GBE1: variants seen among roughly 807,000 people sequenced by gnomAD.
The protein encoded by GBE1 is 1,4-alpha-glucan-branching enzyme.
Under a neutral mutation model 88.8 loss-of-function variants are expected in GBE1, and 70 were observed. The observed-to-expected ratio is 0.79, with a 90% CI of 0.65 to 0.96. The LOEUF is 0.96. Ranked by LOEUF, GBE1 falls within the 40% of genes least tolerant of loss-of-function variation. GBE1 has a pLI of 0.00. For synonymous variants in GBE1, 284 were observed against 300.1 expected (o/e 0.95, Z 0.56); for missense variants, 872 against 871.0 (o/e 1.00, Z -0.01).
At chr3:81,502,929 T>C (rs1232231312) in intron 14 of GBE1, among the ~76,000 whole-genome samples, 1 of 152,178 alleles carries the variant, frequency 6.6e-6, no homozygotes, top group Non-Finnish European at 1.5e-5. Flanking sequence ...ACAAAATAAA[T>C]TTAGCAGGAC....
rs188573933 is a variant in GBE1 at position 81,707,426 on chromosome 3, C to T, written c.144-1813G>A. Among the ~76,000 whole-genome samples the T allele has an allele frequency of 2.6e-3, 400 of 152,000 alleles. 2 individuals carry two copies. Among genetic ancestry groups the T allele is most frequent in the Non-Finnish European group, 3.5e-3 (240 of 67,878 alleles). ...ACCATTCTAGAAGAAAAATAAGCTACTTTCCATTTTTCTAAATGGCAATTA... is the reference window on the plus strand; with the variant it reads ...ACCATTCTAGAAGAAAAATAAGCTATTTTCCATTTTTCTAAATGGCAATTA... On this transcript the variant is annotated intron_variant, in intron 1 of 15. Coordinates refer to ENST00000429644, the MANE Select transcript of GBE1 (RefSeq NM_000158.4).
chr3:81,554,402 C>T (rs1197115915), intron 12 of GBE1, among the ~76,000 whole-genome samples: 1 of 152,056 alleles, frequency 6.6e-6, no homozygotes, highest in Non-Finnish European at 1.5e-5. Context: ...ATAAATTAGC[C>T]AACTATGAAA....
chr3:81,646,708 T>C (rs930022206), intron 5 of GBE1, among the ~76,000 whole-genome samples: 2 of 152,220 alleles, frequency 1.3e-5, no homozygotes, highest in Non-Finnish European at 1.5e-5. Context: ...ATAGCTTCAT[T>C]TTAACAAGCA....
intron 14 of GBE1, among the ~76,000 whole-genome samples, chr3:81,527,307 T>G (rs1273999859): frequency 6.6e-6 from 1 of 152,090 alleles, no homozygotes; most frequent in African/African-American, 2.4e-5. Flanking sequence ...GACATAGGCA[T>G]GGGAAAGGAC....
At chr3:81,547,009 G>A (rs546359229) in intron 12 of GBE1, among the ~76,000 whole-genome samples, 12 of 151,256 alleles carry the variant, frequency 7.9e-5, no homozygotes, top group Non-Finnish European at 1.8e-4. Flanking sequence ...AAGTGCTGGG[G>A]TCCAGTAACA....
intron 15 of GBE1, 54 bp from the exon 16 acceptor site, chr3:81,490,517 C>A: frequency 7.2e-7 from 1 of 1,390,444 alleles, no homozygotes; most frequent in South Asian, 1.2e-5. Context: ...AACGGCCTGT[C>A]ATTATGTCAA....
intron 6 of GBE1, 149 bp downstream of exon 6, chr3:81,646,243 A>G: frequency 1.6e-6 from 1 of 611,060 alleles, no homozygotes; most frequent in Non-Finnish European, 2.9e-6. Flanking sequence ...AAGAGAGTCT[A>G]TGACCTTAGT....
chr3:81,574,052 G>T lies in GBE1; in HGVS notation c.1618+3873C>A, dbSNP rs1267274047. The stretch of plus-strand genomic sequence containing the variant: ...GACATCATTATGACTAAAAAACTCA[G>T]AAGGTAAATTGGTGAGACTTAATGC... On this transcript the variant is annotated intron_variant, in intron 12 of 15. Coordinates refer to ENST00000429644, the MANE Select transcript of GBE1 (RefSeq NM_000158.4). 8.5e-5 allele frequency among the ~76,000 whole-genome samples: 13 copies of T among 152,238 alleles called. No homozygotes were observed. In the East Asian group the frequency reaches 2.5e-3, roughly 29 times the overall value.
chr3:81,751,112 C>T (rs976985087), intron 1 of GBE1, among the ~76,000 whole-genome samples: 21 of 149,504 alleles, frequency 1.4e-4, no homozygotes, highest in Admixed American at 6.7e-5. Context: ...GGCCCTCCGC[C>T]AAAAAAAAAG....
intron 3 of GBE1, among the ~76,000 whole-genome samples, chr3:81,663,968 G>A (rs368834311): frequency 1.3e-5 from 2 of 151,966 alleles, no homozygotes; most frequent in African/African-American, 2.4e-5. Context: ...GTGCACATTC[G>A]GAATCAGCTT....
chr3:81,607,834 A>C (rs1023369002), intron 7 of GBE1, among the ~76,000 whole-genome samples: 2 of 151,986 alleles, frequency 1.3e-5, no homozygotes, highest in Non-Finnish European at 2.9e-5. Flanking sequence ...CCAACACTTA[A>C]GTTTTATTTT....
In GBE1 at chr3:81,652,245, G is replaced by C. The variant is rs910139561; in HGVS notation, c.430-2324C>G. ...CCCCTATGGGGCTTGGAGGACAAGG[G>C]GAGCCAATGAAAATATGATACCTAC... On this transcript the variant is annotated intron_variant, in intron 3 of 15. Transcript: ENST00000429644. 2.0e-5 allele frequency among the ~76,000 whole-genome samples: 3 copies of C among 152,288 alleles called. No homozygotes were observed. The East Asian group carries it at 5.8e-4, about 29-fold the overall frequency.
intron 1 of GBE1, among the ~76,000 whole-genome samples, chr3:81,739,981 T>C (rs933331416): frequency 1.3e-5 from 2 of 151,970 alleles, no homozygotes; most frequent in African/African-American, 4.8e-5. Flanking sequence ...TCCCAGCAAT[T>C]TGGAAGGCCA....
chr3:81,535,451 T>G, intron 13 of GBE1, 126 bp from the exon 14 acceptor site: 1 of 897,888 alleles, frequency 1.1e-6, no homozygotes, highest in Non-Finnish European at 1.6e-6. Flanking sequence ...ACACTATATT[T>G]TTTTGAACAT....
intron 1 of GBE1, among the ~76,000 whole-genome samples, chr3:81,729,635 A>G (rs557675021): frequency 6.6e-6 from 1 of 152,238 alleles, no homozygotes; most frequent in South Asian, 2.1e-4. Flanking sequence ...TGCCCATATA[A>G]ATACCCATCA....
At chr3:81,610,324 T>A (rs188176490) in intron 7 of GBE1, among the ~76,000 whole-genome samples, 1 of 152,314 alleles carries the variant, frequency 6.6e-6, no homozygotes, top group East Asian at 1.9e-4. Flanking sequence ...TCTTTGGCAA[T>A]AGTTTTAAAA....
At chr3:81,751,184 C>A (rs759803018) in intron 1 of GBE1, among the ~76,000 whole-genome samples, 2 of 152,118 alleles carry the variant, frequency 1.3e-5, no homozygotes, top group Non-Finnish European at 2.9e-5. Flanking sequence ...GCTGGTAATA[C>A]TGAGGGGTGT....
chr3:81,537,176 T>G, intron 12 of GBE1, 81 bp from the exon 13 acceptor site: 4 of 913,188 alleles, frequency 4.4e-6, no homozygotes, highest in Non-Finnish European at 6.1e-6. Context: ...TTATATGTTT[T>G]TAATGTTTTT....
At chr3:81,644,476 C>T (rs1357445731) in intron 6 of GBE1, among the ~76,000 whole-genome samples, 1 of 152,040 alleles carries the variant, frequency 6.6e-6, no homozygotes, top group Non-Finnish European at 1.5e-5. Context: ...TTGAAGAAAA[C>T]CAAACAGGCT....
Sources: allele counts gnomAD v4.1 joint callset (sites outside exome capture counted in the v4.1 genomes callset), GRCh38; gene constraint gnomAD v4.1.1; transcripts MANE v1.5; gene names NCBI Gene and HGNC (gene_info 2026-07-23, HGNC 2026-07-21).